The following DCBLD2 variants were observed in gnomAD, a reference collection of about 807,000 sequenced individuals.
The protein encoded by DCBLD2 is discoidin, CUB and LCCL domain containing 2, also known as discoidin, CUB and LCCL domain-containing protein 2.
A neutral mutation model predicts 86.8 loss-of-function variants in DCBLD2; 54 were observed. That is an observed-to-expected ratio of 0.62 (90% confidence interval 0.50 to 0.78). The LOEUF is 0.78. DCBLD2 is among the 30% of genes least tolerant of loss of function. The pLI, the probability that DCBLD2 is intolerant of heterozygous loss-of-function variation, is 0.00. For missense variants in DCBLD2, 908 were observed against 954.2 expected, an observed-to-expected ratio of 0.95 and a Z score of 0.64; for synonymous variants, 354 against 341.3, an observed-to-expected ratio of 1.04 and a Z score of -0.41.
In DCBLD2 at chr3:98,797,984, G is replaced by A. The variant is rs1053252120; in HGVS notation, c.*1388C>T. On this transcript the variant is annotated 3_prime_UTR_variant, in exon 16 of 16. Transcript: ENST00000326840. ...CTCATGTCGTCTTGACAGTCTGAAG[G>A]CTTTAAAAGATGGTTTTACATTGTT... The A allele has an allele frequency of 6.6e-6, 1 of 152,168 alleles. No individual in the cohort carries two copies. The highest frequency in any genetic ancestry group is 1.5e-5 in the Non-Finnish European group (1 of 68,040). The allele number at this position is 152,168 out of a possible 1,614,324, so 9.4% of individuals were successfully genotyped here. A position where few individuals can be genotyped will look rare whatever the true frequency, so the allele number is the denominator to read the frequency against.
rs753010787 is a variant in DCBLD2, at chr3:98,901,248, A to AGGCGGG, written c.73_78dup (p.Pro25_Ala26dup). 220 of 1,533,678 alleles carry AGGCGGG rather than the reference A, an allele frequency of 1.4e-4. No individual in the cohort carries two copies. In the East Asian group the frequency reaches 4.7e-3, roughly 33 times the overall value. ...GAGCGGGAGAGGGGGAGCGCGGCCC[A>AGGCGGG]GGCGGGGGCGGCGGCCGCGGCCCGG... On this transcript the variant is annotated inframe_insertion, in exon 1 of 16. Transcript: ENST00000326840.
intron 3 of DCBLD2, among the ~76,000 whole-genome samples, chr3:98,837,890 C>T (rs200842489): frequency 2.1e-3 from 220 of 106,390 alleles, no homozygotes; most frequent in African/African-American, 4.2e-3. Flanking sequence ...ACCTCCCTCC[C>T]GGATGGGGCG....
intron 1 of DCBLD2, among the ~76,000 whole-genome samples, chr3:98,888,083 G>A (rs539196248): frequency 1.3e-5 from 2 of 152,044 alleles, no homozygotes; most frequent in Admixed American, 6.6e-5. Flanking sequence ...CACATAGTTG[G>A]TAGCCTTTTC....
intron 3 of DCBLD2, among the ~76,000 whole-genome samples, chr3:98,840,324 AAGAG>A (rs895680941): frequency 1.3e-5 from 2 of 152,188 alleles, no homozygotes; most frequent in Non-Finnish European, 2.9e-5. Flanking sequence ...GCTTGAGAAA[AAGAG>A]AGGAGTCAAA....
chr3:98,817,697 A>G lies in DCBLD2; in HGVS notation c.1212+72T>C, dbSNP rs1015204029. 32 of 1,470,332 alleles carry G rather than the reference A, an allele frequency of 2.2e-5. No homozygotes were observed. In the Admixed American group the frequency reaches 4.8e-4, roughly 22 times the overall value. 91.1% of individuals were successfully genotyped at this position (1,470,332 alleles called of 1,614,324 possible). On this transcript the variant is annotated intron_variant, in intron 9 of 15. Transcript: ENST00000326840. ...CTAAACTTCTACATCTCTTTTATAC[A>G]GGAGAGCTCTGTGACTTGGCAACCA...
rs200822370 is a variant in DCBLD2 at position 98,819,268 on chromosome 3, C to T, written c.1021G>A (p.Ala341Thr). The change falls in exon 8 of 16, where the codon GCT (alanine) becomes ACT (threonine). Residue 341 changes from alanine (A) to threonine (T), a missense_variant. By Grantham distance (58) the Ala-to-Thr change is moderately conservative. This residue lies in a region of DCBLD2 where 606 missense variants were observed against 678.5 expected (regional missense o/e 0.89). Coordinates refer to ENST00000326840, the MANE Select transcript of DCBLD2 (RefSeq NM_080927.4). Reference sequence around the variant, plus strand: ...TGGTATTCATCAGTGGCAAAAGCAGCCCAAGGCGGTCCAGGTTTTTTCAGC... The same window carrying T: ...TGGTATTCATCAGTGGCAAAAGCAGTCCAAGGCGGTCCAGGTTTTTTCAGC... ...ARLKKPGPPW[A>T]AFATDEYQWL... The T allele has an allele frequency of 3.4e-4, 545 of 1,611,736 alleles. No individual in the cohort carries two copies. Among genetic ancestry groups the T allele is most frequent in the Middle Eastern group, 6.7e-4 (4 of 6,010 alleles).
intron 14 of DCBLD2, chr3:98,801,397 T>G (rs1416321801): frequency 6.6e-6 from 3 of 455,030 alleles, no homozygotes; most frequent in African/African-American, 5.9e-5. Context: ...TTTAAGAAAT[T>G]TGTACTTTTC....
chr3:98,893,681 T>C (rs973783802), intron 1 of DCBLD2, among the ~76,000 whole-genome samples: 8 of 152,044 alleles, frequency 5.3e-5, no homozygotes, highest in African/African-American at 1.7e-4. Flanking sequence ...AAAAGAGATA[T>C]GTAAAAGCCA....
intron 3 of DCBLD2, among the ~76,000 whole-genome samples, chr3:98,828,119 A>G (rs1942255784): frequency 6.6e-6 from 1 of 152,196 alleles, no homozygotes; most frequent in Non-Finnish European, 1.5e-5. Context: ...TTTTAGAAAA[A>G]AATATATGAG....
intron 12 of DCBLD2, among the ~76,000 whole-genome samples, chr3:98,809,049 G>A (rs530583028): frequency 6.6e-6 from 1 of 152,164 alleles, no homozygotes; most frequent in South Asian, 2.1e-4. Context: ...AGGTAACAAT[G>A]TGGTGTTAAG....
chr3:98,822,288 A>G lies in DCBLD2; in HGVS notation c.770T>C (p.Val257Ala), dbSNP rs773360013. The change falls in exon 6 of 16, where the codon GTA becomes GCA. Residue 257 changes from valine to alanine, a missense_variant. Around this residue, in one of 3 missense-constraint regions of DCBLD2, gnomAD observed 606 missense variants for 678.5 expected, o/e 0.89. Coordinates refer to ENST00000326840, the MANE Select transcript of DCBLD2 (RefSeq NM_080927.4). ...SNTLGGQISVVISKGIPYYES... is the reference protein window; with the variant it reads ...SNTLGGQISVAISKGIPYYES... ...ATAATAGGGGATACCTTTACTAATT[A>G]CAACACTGATTTGGCCGCCCAACGT... 4 of 1,613,862 alleles carry G rather than the reference A, an allele frequency of 2.5e-6. No individual in the cohort carries two copies.
At chr3:98,815,651 G>T (rs1942007216) in intron 9 of DCBLD2, 1 of 152,110 alleles carries the variant, frequency 6.6e-6, no homozygotes, top group South Asian at 2.1e-4. Context: ...TATTATATAT[G>T]CTCCATGTTC....
At chr3:98,884,609 A>G (rs1228208388) in intron 1 of DCBLD2, among the ~76,000 whole-genome samples, 7 of 152,086 alleles carry the variant, frequency 4.6e-5, no homozygotes, top group Non-Finnish European at 8.8e-5. Flanking sequence ...AGTTCCTAAC[A>G]TTATAAAACT....
Position 98,849,117 on chromosome 3 carries a change from C to T in DCBLD2, c.571+344G>A, listed in dbSNP as rs529322210. 4.0e-5 allele frequency among the ~76,000 whole-genome samples: 6 copies of T among 150,416 alleles called. No homozygotes were observed. In the South Asian group the frequency reaches 6.4e-4, roughly 16 times the overall value. ...CCGGGAGGTGGAGATTGCGGTGAGC[C>T]GAGATCACACCACTGCACTCCAGCC... On this transcript the variant is annotated intron_variant, in intron 3 of 15. Transcript: ENST00000326840.
intron 5 of DCBLD2, 127 bp downstream of exon 5, chr3:98,822,540 CAT>C (rs1942142966): frequency 8.9e-6 from 11 of 1,229,496 alleles, no homozygotes; most frequent in South Asian, 3.3e-5. Flanking sequence ...GAATAAAACA[CAT>C]ATGATTAAAA....
rs1202004604 is a variant in DCBLD2, at chr3:98,796,075, C to CTAT, written c.*3294_*3296dup. 2 of 152,582 alleles carry CTAT rather than the reference C, an allele frequency of 1.3e-5. No homozygotes were observed. The highest frequency in any genetic ancestry group is 4.8e-5 in the African/African-American group (2 of 41,434). 9.5% of individuals were successfully genotyped at this position (152,582 alleles called of 1,614,324 possible). ...AACAAATGAACACATTAAAATTTCACTATTTTACAATCTAAATTCTAGCAA... is the reference window on the plus strand; with the variant it reads ...AACAAATGAACACATTAAAATTTCACTATTATTTTACAATCTAAATTCTAGCAA... On this transcript the variant is annotated 3_prime_UTR_variant, in exon 16 of 16. Transcript: ENST00000326840.
intron 3 of DCBLD2, among the ~76,000 whole-genome samples, chr3:98,836,706 G>T (rs1418063766): frequency 1.3e-5 from 1 of 76,716 alleles, no homozygotes; most frequent in Admixed American, 1.3e-4. Context: ...CGGACGGGGC[G>T]GCTGGCCGGG....
At chr3:98,851,441 C>T (rs746583142) in intron 2 of DCBLD2, among the ~76,000 whole-genome samples, 4 of 151,998 alleles carry the variant, frequency 2.6e-5, no homozygotes, top group East Asian at 1.9e-4. Context: ...GAAATAAGAG[C>T]GGATACAAAT....
chr3:98,878,493 T>C (rs892650658), intron 2 of DCBLD2, among the ~76,000 whole-genome samples: 15 of 152,088 alleles, frequency 9.9e-5, no homozygotes, highest in Admixed American at 6.5e-4. Context: ...AAACATGATA[T>C]AGGGGGAAAA....
Sources: allele counts gnomAD v4.1 joint callset (sites outside exome capture counted in the v4.1 genomes callset), GRCh38; gene constraint gnomAD v4.1.1; regional missense constraint gnomAD v4.1.1; transcripts MANE v1.5; gene names NCBI Gene and HGNC (gene_info 2026-07-23, HGNC 2026-07-21).